The following TLE1 variants were observed in gnomAD, a reference collection of about 807,000 sequenced individuals.
The protein encoded by TLE1 is transducin-like enhancer protein 1.
In TLE1, 21 loss-of-function variants were observed where a neutral mutation model predicts 89.8. The ratio of observed to expected loss-of-function variants is 0.23; its 90% CI spans 0.17 to 0.34. TLE1 has a LOEUF of 0.34. Ranked by LOEUF, TLE1 falls within the 10% of genes least tolerant of loss-of-function variation. The pLI is 1.00. For missense variants in TLE1, 795 were observed against 1,031.2 expected (o/e 0.77, Z 3.14); for synonymous variants, 447 against 407.6 (o/e 1.10, Z -1.16).
intron 14 of TLE1, among the ~76,000 whole-genome samples, chr9:81,593,606 ACCT>A (rs1829838693): frequency 6.6e-6 from 1 of 152,108 alleles, no homozygotes; most frequent in African/African-American, 2.4e-5. Context: ...AACATAAAAT[ACCT>A]CCTTCCATGT....
intron 8 of TLE1, among the ~76,000 whole-genome samples, chr9:81,628,173 G>A (rs965129424): frequency 2.6e-5 from 4 of 152,130 alleles, no homozygotes; most frequent in Non-Finnish European, 2.9e-5. Flanking sequence ...TGCAAATGGC[G>A]GTGGGAGGAG....
chr9:81,619,290 T>C (rs576806413), intron 9 of TLE1, among the ~76,000 whole-genome samples: 1 of 152,304 alleles, frequency 6.6e-6, no homozygotes, highest in East Asian at 1.9e-4. Context: ...TAAAGCATAG[T>C]GCAAAGTGTG....
intron 14 of TLE1, among the ~76,000 whole-genome samples, chr9:81,596,670 A>C (rs549149400): frequency 1.3e-5 from 2 of 152,366 alleles, no homozygotes; most frequent in Admixed American, 1.3e-4. Flanking sequence ...GAATGAAGCC[A>C]GATACAAAAT....
At chr9:81,665,472 T>C (rs1831340215) in intron 4 of TLE1, among the ~76,000 whole-genome samples, 1 of 152,012 alleles carries the variant, frequency 6.6e-6, no homozygotes, top group Admixed American at 6.6e-5. Context: ...TCCTCATCTT[T>C]CACACTCGCA....
intron 6 of TLE1, among the ~76,000 whole-genome samples, chr9:81,649,791 T>C (rs1447051670): frequency 6.6e-6 from 1 of 152,106 alleles, no homozygotes; most frequent in Non-Finnish European, 1.5e-5. Flanking sequence ...ACACTGCATG[T>C]TCAATGAAGG....
Position 81,620,576 on chromosome 9 carries a change from A to C in TLE1, c.595-19T>G. 5 of 1,598,816 alleles carry C rather than the reference A, an allele frequency of 3.1e-6. No individual in the cohort carries two copies. Among genetic ancestry groups the C allele is most frequent in the Non-Finnish European group, 4.3e-6 (5 of 1,175,332 alleles). The stretch of plus-strand genomic sequence containing the variant: ...AATTACTCTGCAAGACAAAAAAATT[A>C]ATCAAAGATTTCTTCCCAAGCCTCT... On this transcript the variant is annotated intron_variant, in intron 8 of 19. Transcript: ENST00000376499.
intron 8 of TLE1, among the ~76,000 whole-genome samples, chr9:81,627,246 T>C (rs1826016131): frequency 1.3e-5 from 2 of 151,936 alleles, no homozygotes; most frequent in Non-Finnish European, 1.5e-5. Context: ...CTGCTCACAA[T>C]TGCAGGTTTT....
intron 6 of TLE1, among the ~76,000 whole-genome samples, chr9:81,645,641 G>A (rs1468335846): frequency 1.3e-5 from 2 of 151,612 alleles, no homozygotes; most frequent in Admixed American, 1.3e-4. Flanking sequence ...TTGGGAGGCT[G>A]AGGCAGGAGA....
Position 81,613,422 on chromosome 9 carries a change from C to T in TLE1, c.1018G>A (p.Gly340Ser), listed in dbSNP as rs1455745331. The T allele has an allele frequency of 6.2e-7, 1 of 1,614,008 alleles. No individual in the cohort carries two copies. Among genetic ancestry groups the T allele is most frequent in the Non-Finnish European group, 8.5e-7 (1 of 1,179,992 alleles). The change falls in exon 12 of 20, where the codon GGT (glycine) becomes AGT (serine). Residue 340 changes from glycine (G) to serine (S), a missense_variant. Transcript: ENST00000376499. ...TCTATGGCTGGAGGCTTGCCGAGACCTGGACGGAGGCCTGGAGTGGCGCTG... is the reference window on the plus strand; with the variant it reads ...TCTATGGCTGGAGGCTTGCCGAGACTTGGACGGAGGCCTGGAGTGGCGCTG... ...GTSATPGLRP[G>S]LGKPPAIDPL...
At chr9:81,590,489 G>A (rs1400418933) in intron 16 of TLE1, among the ~76,000 whole-genome samples, 3 of 152,206 alleles carry the variant, frequency 2.0e-5, no homozygotes, top group African/African-American at 4.8e-5. Context: ...CTTTTGTGCT[G>A]CCGTGTAATC....
chr9:81,664,684 G>A (rs1831234685), intron 4 of TLE1, among the ~76,000 whole-genome samples: 1 of 151,440 alleles, frequency 6.6e-6, no homozygotes, highest in African/African-American at 2.4e-5. Flanking sequence ...GCAACATAGG[G>A]AAACTCAATC....
intron 4 of TLE1, among the ~76,000 whole-genome samples, chr9:81,659,789 G>A (rs1008139985): frequency 2.0e-5 from 3 of 152,104 alleles, no homozygotes; most frequent in Admixed American, 1.3e-4. Flanking sequence ...ACCAGGTCTC[G>A]TACTTAACAG....
chr9:81,662,705 A>C (rs1228241515), intron 4 of TLE1, among the ~76,000 whole-genome samples: 1 of 151,976 alleles, frequency 6.6e-6, no homozygotes, highest in African/African-American at 2.4e-5. Flanking sequence ...TATCAAAAAA[A>C]AAAAATTAGC....
At chr9:81,654,109 T>G (rs972468625) in intron 4 of TLE1, 73 bp from the exon 5 acceptor site, 94 of 1,406,388 alleles carry the variant, frequency 6.7e-5, no homozygotes, top group Non-Finnish European at 9.2e-5. Context: ...TTCATACCCC[T>G]AACACTTCAG....
intron 6 of TLE1, among the ~76,000 whole-genome samples, chr9:81,651,828 T>C (rs1829578533): frequency 6.6e-6 from 1 of 151,958 alleles, no homozygotes; most frequent in Admixed American, 6.6e-5. Context: ...CACTTAAAAG[T>C]AGATTTAGGG....
At chr9:81,586,144 A>C (rs951379600) in intron 17 of TLE1, among the ~76,000 whole-genome samples, 2 of 151,738 alleles carry the variant, frequency 1.3e-5, no homozygotes, top group African/African-American at 4.8e-5. Context: ...CAGCCTCCCA[A>C]GTAGCTGGGA....
intron 4 of TLE1, among the ~76,000 whole-genome samples, chr9:81,682,361 G>A (rs759855576): frequency 2.0e-5 from 3 of 152,000 alleles, no homozygotes; most frequent in East Asian, 3.9e-4. Flanking sequence ...CTCTGAACAC[G>A]TGCACACAGC....
chr9:81,638,487 T>C (rs1404743226), intron 6 of TLE1, among the ~76,000 whole-genome samples: 1 of 152,170 alleles, frequency 6.6e-6, no homozygotes. Flanking sequence ...TCAACAAGGC[T>C]TACCTGAGAC....
chr9:81,686,400 C>G (rs955633760), intron 2 of TLE1, among the ~76,000 whole-genome samples: 1 of 152,172 alleles, frequency 6.6e-6, no homozygotes, highest in Non-Finnish European at 1.5e-5. Flanking sequence ...GTAGCTACTG[C>G]AATAAAGTGG....
Sources: allele counts gnomAD v4.1 joint callset (sites outside exome capture counted in the v4.1 genomes callset), GRCh38; gene constraint gnomAD v4.1.1; transcripts MANE v1.5; gene names NCBI Gene and HGNC (gene_info 2026-07-23, HGNC 2026-07-21).